The following ZMAT4 variants were observed in gnomAD, a reference collection of about 807,000 sequenced individuals.
The protein encoded by ZMAT4 is zinc finger matrin-type 4.
A neutral mutation model predicts 28.7 loss-of-function variants in ZMAT4; 17 were observed. The ratio of observed to expected loss-of-function variants is 0.59; its 90% CI spans 0.41 to 0.89. The LOEUF is 0.89. ZMAT4 is among the 40% of genes least tolerant of loss of function. The probability of loss-of-function intolerance (pLI) is 0.00; values close to 1 mark genes in which losing one functional copy is unlikely to be tolerated. For synonymous variants in ZMAT4, 117 were observed against 109.2 expected, an observed-to-expected ratio of 1.07 and a Z score of -0.44; for missense variants, 240 against 283.8, an observed-to-expected ratio of 0.85 and a Z score of 1.11.
chr8:40,623,020 CCT>C, intron 5 of ZMAT4, among the ~76,000 whole-genome samples: 1 of 152,164 alleles, frequency 6.6e-6, no homozygotes. Context: ...AGCTTTATCA[CCT>C]CTTTCCTCCA....
intron 2 of ZMAT4, among the ~76,000 whole-genome samples, chr8:40,809,700 T>C (rs1038303192): frequency 2.4e-4 from 36 of 152,268 alleles, no homozygotes; most frequent in African/African-American, 8.7e-4. Flanking sequence ...GGTTTAAAAT[T>C]GAATAGATAG....
At chr8:40,667,089 C>T (rs958656938) in intron 5 of ZMAT4, among the ~76,000 whole-genome samples, 2 of 151,938 alleles carry the variant, frequency 1.3e-5, no homozygotes, top group Non-Finnish European at 2.9e-5. Context: ...AGTATTAAAT[C>T]ATAGCTGCAT....
intron 3 of ZMAT4, among the ~76,000 whole-genome samples, chr8:40,709,719 G>A (rs1399128188): frequency 6.6e-6 from 1 of 152,166 alleles, no homozygotes; most frequent in Non-Finnish European, 1.5e-5. Flanking sequence ...TAACCAAAAT[G>A]ACTATGGAGA....
chr8:40,584,399 C>T (rs1418546611), intron 5 of ZMAT4, among the ~76,000 whole-genome samples: 4 of 152,064 alleles, frequency 2.6e-5, no homozygotes, highest in African/African-American at 9.7e-5. Context: ...CAGGACTGAG[C>T]TGGAGGAGGG....
chr8:40,539,844 G>C (rs529966176), intron 6 of ZMAT4, among the ~76,000 whole-genome samples: 1 of 152,276 alleles, frequency 6.6e-6, no homozygotes, highest in South Asian at 2.1e-4. Context: ...TGTAATTCAT[G>C]GTGGAACTTG....
At chr8:40,591,504 T>G (rs1804891951) in intron 5 of ZMAT4, among the ~76,000 whole-genome samples, 1 of 152,118 alleles carries the variant, frequency 6.6e-6, no homozygotes, top group African/African-American at 2.4e-5. Context: ...AGCCTCCAGT[T>G]TGTCCTCCTG....
intron 3 of ZMAT4, among the ~76,000 whole-genome samples, chr8:40,741,111 G>A (rs961633835): frequency 6.6e-6 from 1 of 151,968 alleles, no homozygotes; most frequent in Admixed American, 6.6e-5. Context: ...TAATTAAAGA[G>A]AAATAACAAT....
chr8:40,778,698 G>C (rs769095055), intron 2 of ZMAT4, among the ~76,000 whole-genome samples: 1 of 152,164 alleles, frequency 6.6e-6, no homozygotes, highest in Non-Finnish European at 1.5e-5. Context: ...GAAGGAACAT[G>C]CTGCCAGCTG....
intron 2 of ZMAT4, among the ~76,000 whole-genome samples, chr8:40,778,403 C>A (rs1056311199): frequency 2.0e-5 from 3 of 152,170 alleles, no homozygotes; most frequent in African/African-American, 7.2e-5. Context: ...CATCTCTACA[C>A]TAATGTTGCC....
At chr8:40,872,880 T>C (rs1817912565) in intron 1 of ZMAT4, among the ~76,000 whole-genome samples, 1 of 152,142 alleles carries the variant, frequency 6.6e-6, no homozygotes, top group South Asian at 2.1e-4. Context: ...AGAAGTGCTA[T>C]TCCACACAGC....
intron 2 of ZMAT4, among the ~76,000 whole-genome samples, chr8:40,812,683 C>G (rs1394706305): frequency 1.3e-5 from 2 of 152,182 alleles, no homozygotes; most frequent in Non-Finnish European, 2.9e-5. Context: ...GTAATCCCAG[C>G]ACTTTGGGAG....
chr8:40,829,641 TAAG>T (rs1398739768), intron 1 of ZMAT4, among the ~76,000 whole-genome samples: 1 of 152,092 alleles, frequency 6.6e-6, no homozygotes, highest in Non-Finnish European at 1.5e-5. Context: ...AGCTACTGAG[TAAG>T]AAGAGACATA....
intron 5 of ZMAT4, among the ~76,000 whole-genome samples, chr8:40,619,597 A>G (rs1806127321): frequency 6.6e-6 from 1 of 152,236 alleles, no homozygotes; most frequent in Non-Finnish European, 1.5e-5. Context: ...TCTCTGACAC[A>G]GAACAGGGAG....
At chr8:40,604,327 C>A (rs950642221) in intron 5 of ZMAT4, among the ~76,000 whole-genome samples, 3 of 152,126 alleles carry the variant, frequency 2.0e-5, no homozygotes, top group African/African-American at 7.2e-5. Context: ...TTCAACTTTT[C>A]CCCATTCAGT....
chr8:40,692,151 C>G (rs929338794), intron 4 of ZMAT4, among the ~76,000 whole-genome samples: 1 of 152,178 alleles, frequency 6.6e-6, no homozygotes, highest in African/African-American at 2.4e-5. Flanking sequence ...CCCAGAGGTA[C>G]AGTCATGAAC....
intron 5 of ZMAT4, among the ~76,000 whole-genome samples, chr8:40,645,907 CAA>C (rs367840545): frequency 1.1e-4 from 16 of 151,894 alleles, no homozygotes; most frequent in African/African-American, 3.9e-4. Context: ...AATAATACAA[CAA>C]AGTGATACAC....
At chr8:40,537,337 C>A (rs2118362417) in intron 6 of ZMAT4, among the ~76,000 whole-genome samples, 1 of 152,074 alleles carries the variant, frequency 6.6e-6, no homozygotes, top group African/African-American at 2.4e-5. Context: ...AAACAAATCA[C>A]AAATGTTTTA....
chr8:40,882,130 C>A (rs756448273), intron 1 of ZMAT4, among the ~76,000 whole-genome samples: 1 of 152,144 alleles, frequency 6.6e-6, no homozygotes, highest in Non-Finnish European at 1.5e-5. Context: ...ATAAACCAGC[C>A]TTGTGGCCGC....
chr8:40,804,278 C>A (rs1291465222), intron 2 of ZMAT4, among the ~76,000 whole-genome samples: 1 of 152,134 alleles, frequency 6.6e-6, no homozygotes. Flanking sequence ...TTACTTTTAA[C>A]AATGCACCTC....
Sources: gnomAD v4.1 joint callset for allele counts (sites outside exome capture counted in the v4.1 genomes callset) on GRCh38, gnomAD v4.1.1 for gene constraint, MANE v1.5 for transcripts, NCBI Gene and HGNC (gene_info 2026-07-23, HGNC 2026-07-21) for gene names.